The following CRLF3 variants were observed in gnomAD, a reference collection of about 807,000 sequenced individuals.
CRLF3 encodes cytokine receptor-like factor 3.
Under a neutral mutation model 55.0 loss-of-function variants are expected in CRLF3, and 33 were observed. The observed-to-expected ratio is 0.60, with a 90% CI of 0.46 to 0.80. The LOEUF is 0.80. Ranked by LOEUF, CRLF3 falls within the 30% of genes least tolerant of loss-of-function variation. The pLI is 0.00. For synonymous variants in CRLF3, 238 were observed against 196.8 expected, an observed-to-expected ratio of 1.21 and a Z score of -1.75; for missense variants, 494 against 538.4, an observed-to-expected ratio of 0.92 and a Z score of 0.82.
intron 1 of CRLF3, among the ~76,000 whole-genome samples, chr17:30,812,180 A>G (rs1258513543): frequency 6.6e-6 from 1 of 152,184 alleles, no homozygotes. Flanking sequence ...TGAAAACGCT[A>G]ATCAACATAT....
intron 6 of CRLF3, 51 bp from the exon 7 acceptor site, chr17:30,786,082 A>G (rs567069593): frequency 1.0e-6 from 1 of 1,001,618 alleles, no homozygotes; most frequent in South Asian, 1.3e-5. Context: ...TATAACATGA[A>G]TGATACTTAA....
At chr17:30,795,906 G>A (rs1376320903) in intron 4 of CRLF3, among the ~76,000 whole-genome samples, 3 of 152,014 alleles carry the variant, frequency 2.0e-5, no homozygotes, top group East Asian at 1.9e-4. Flanking sequence ...GCAGTAAGCC[G>A]AGATCACGCC....
intron 1 of CRLF3, among the ~76,000 whole-genome samples, chr17:30,810,623 T>A (rs963210656): frequency 2.0e-5 from 3 of 151,980 alleles, no homozygotes; most frequent in Non-Finnish European, 4.4e-5. Flanking sequence ...TACAGCTGAA[T>A]ATAACCCCAA....
At chr17:30,814,514 G>A (rs528831073) in intron 1 of CRLF3, among the ~76,000 whole-genome samples, 29 of 151,856 alleles carry the variant, frequency 1.9e-4, no homozygotes, top group African/African-American at 5.1e-4. Flanking sequence ...AAAATTAGCC[G>A]AGCGTGGTGG....
rs951232854 is a variant in CRLF3 at position 30,788,935 on chromosome 17, C to G, written c.960-2904G>C. On this transcript the variant is annotated intron_variant, in intron 6 of 7. Coordinates refer to ENST00000324238, the MANE Select transcript of CRLF3 (RefSeq NM_015986.4). ...TAGTGCCTTCAAGAGTATAGTCTCC[C>G]TTCTAACTACTAGGCCCTTAAGTAC... Among the ~76,000 whole-genome samples, 3 of 152,062 alleles carry G rather than the reference C, an allele frequency of 2.0e-5. No individual in the cohort carries two copies. The South Asian group carries it at 6.2e-4, about 32-fold the overall frequency.
At chr17:30,800,857 C>G (rs1409932813) in intron 2 of CRLF3, among the ~76,000 whole-genome samples, 1 of 151,624 alleles carries the variant, frequency 6.6e-6, no homozygotes, top group Non-Finnish European at 1.5e-5. Flanking sequence ...TCACTGCAAG[C>G]TCCGCCTCCT....
chr17:30,806,305 T>C (rs892132747), intron 1 of CRLF3, among the ~76,000 whole-genome samples: 1 of 152,162 alleles, frequency 6.6e-6, no homozygotes, highest in African/African-American at 2.4e-5. Flanking sequence ...AATTATTCAA[T>C]TGCAGAAGTT....
rs901520416 is a variant in CRLF3 at position 30,783,266 on chromosome 17, T to G, written c.*921A>C. The G allele has an allele frequency of 6.6e-6, 1 of 152,144 alleles. No individual in the cohort carries two copies. The highest frequency in any genetic ancestry group is 1.5e-5 in the Non-Finnish European group (1 of 68,030). The allele number at this position is 152,144 out of a possible 1,614,324, so 9.4% of individuals were successfully genotyped here. A position where few individuals can be genotyped will look rare whatever the true frequency, so the allele number is the denominator to read the frequency against. On this transcript the variant is annotated 3_prime_UTR_variant, in exon 8 of 8. Coordinates refer to ENST00000324238, the MANE Select transcript of CRLF3 (RefSeq NM_015986.4). ...TAGCCTATACTGTATCAAATTGCAA[T>G]GAAAGAACAAAAGGTACTACTTGCC...
At chr17:30,800,631 GTTTTT>G (rs374737369) in intron 2 of CRLF3, among the ~76,000 whole-genome samples, 5 of 151,246 alleles carry the variant, frequency 3.3e-5, no homozygotes, top group Non-Finnish European at 7.4e-5. Flanking sequence ...ACTCTGTCTT[GTTTTT>G]TTGTTTTTAT....
chr17:30,789,147 C>T (rs1340749178), intron 6 of CRLF3, among the ~76,000 whole-genome samples: 1 of 152,072 alleles, frequency 6.6e-6, no homozygotes. Context: ...ATGCAAAAGG[C>T]TGGCTACCAT....
chr17:30,822,827 C>G (rs1363582834), intron 1 of CRLF3, among the ~76,000 whole-genome samples: 3 of 152,022 alleles, frequency 2.0e-5, no homozygotes, highest in Non-Finnish European at 4.4e-5. Flanking sequence ...TCTTAACTGA[C>G]TGAAATGTTA....
intron 1 of CRLF3, among the ~76,000 whole-genome samples, chr17:30,814,334 T>A (rs1413809673): frequency 2.6e-5 from 4 of 152,068 alleles, no homozygotes; most frequent in Non-Finnish European, 5.9e-5. Context: ...AAATTAGTCA[T>A]ATTCTTTACC....
intron 1 of CRLF3, among the ~76,000 whole-genome samples, chr17:30,821,107 T>C (rs185761360): frequency 6.7e-6 from 1 of 149,780 alleles, no homozygotes; most frequent in African/African-American, 2.5e-5. Context: ...TCCTAACACT[T>C]TGGGAGGCCA....
chr17:30,793,431 GAA>G lies in CRLF3; in HGVS notation c.826+17_826+18del. The G allele has an allele frequency of 1.3e-6, 2 of 1,595,216 alleles. No homozygotes were observed. The highest frequency in any genetic ancestry group is 1.7e-6 in the Non-Finnish European group (2 of 1,162,890). On this transcript the variant is annotated intron_variant, in intron 5 of 7. Transcript: ENST00000324238. ...TAATATATAGTTAGGCTTCAGGAGA[GAA>G]AAGGTTAGCAGCATACCATGAGGCA...
At chr17:30,801,174 G>A (rs1400721311) in intron 2 of CRLF3, 1 of 152,066 alleles carries the variant, frequency 6.6e-6, no homozygotes, top group East Asian at 1.9e-4. Flanking sequence ...CTCCTGTCTA[G>A]GCTCCCAAAG....
At chr17:30,787,025 CGGTT>C (rs1971662977) in intron 6 of CRLF3, among the ~76,000 whole-genome samples, 2 of 151,868 alleles carry the variant, frequency 1.3e-5, no homozygotes, top group African/African-American at 4.8e-5. Context: ...AGTAGAGACA[CGGTT>C]TCACCATGTT....
chr17:30,792,271 A>C (rs923050832), intron 6 of CRLF3, 169 bp downstream of exon 6: 8 of 550,204 alleles, frequency 1.5e-5, no homozygotes, highest in Non-Finnish European at 2.3e-5. Flanking sequence ...TAACCCTGTG[A>C]ATACAGATGA....
chr17:30,800,046 T>C (rs1321098540), intron 2 of CRLF3, among the ~76,000 whole-genome samples: 2 of 152,170 alleles, frequency 1.3e-5, no homozygotes, highest in African/African-American at 2.4e-5. Context: ...CCATACTATA[T>C]TCTAAGTGGG....
At chr17:30,807,275 C>T (rs917648967) in intron 1 of CRLF3, among the ~76,000 whole-genome samples, 5 of 151,510 alleles carry the variant, frequency 3.3e-5, no homozygotes, top group African/African-American at 1.2e-4. Context: ...AAGAAAAATC[C>T]ACCAAGAAAG....
Sources: allele counts gnomAD v4.1 joint callset (sites outside exome capture counted in the v4.1 genomes callset), GRCh38; gene constraint gnomAD v4.1.1; transcripts MANE v1.5; gene names NCBI Gene and HGNC (gene_info 2026-07-23, HGNC 2026-07-21).